Variants in MEGF9 observed in about 807,000 individuals in gnomAD.
MEGF9 encodes the protein multiple EGF like domains 9.
A neutral mutation model predicts 46.8 loss-of-function variants in MEGF9; 6 were observed. The ratio of observed to expected loss-of-function variants is 0.13; its 90% CI spans 0.07 to 0.25. MEGF9 has a LOEUF of 0.25. MEGF9 is among the 10% of genes least tolerant of loss of function. The pLI is 1.00. For synonymous variants in MEGF9, 302 were observed against 330.7 expected (o/e 0.91, Z 0.94); for missense variants, 683 against 792.4 (o/e 0.86, Z 1.66).
intron 1 of MEGF9, among the ~76,000 whole-genome samples, chr9:120,682,074 C>T (rs574549510): frequency 2.9e-4 from 44 of 152,288 alleles, no homozygotes; most frequent in Non-Finnish European, 5.1e-4. Context: ...ATGACAGTGG[C>T]CTTTCTCTAC....
chr9:120,675,155 T>C (rs1260370124), intron 1 of MEGF9, among the ~76,000 whole-genome samples: 1 of 152,246 alleles, frequency 6.6e-6, no homozygotes, highest in Non-Finnish European at 1.5e-5. Flanking sequence ...TGAATGTTTA[T>C]AGCAGCTTTA....
intron 1 of MEGF9, among the ~76,000 whole-genome samples, chr9:120,688,725 G>A (rs925900044): frequency 6.6e-6 from 1 of 152,104 alleles, no homozygotes; most frequent in Non-Finnish European, 1.5e-5. Context: ...AGATAGGATG[G>A]ACATAGGAAG....
At chr9:120,636,629 T>G (rs976108626) in intron 2 of MEGF9, among the ~76,000 whole-genome samples, 1 of 152,230 alleles carries the variant, frequency 6.6e-6, no homozygotes, top group Non-Finnish European at 1.5e-5. Context: ...TTAATTCAAC[T>G]AGGACAGTGA....
At chr9:120,659,821 A>G (rs951564096) in intron 1 of MEGF9, among the ~76,000 whole-genome samples, 3 of 134,054 alleles carry the variant, frequency 2.2e-5, no homozygotes, top group African/African-American at 5.9e-5. Context: ...GTGTGTGTGT[A>G]TTATTAGTTT....
chr9:120,624,354 A>T (rs1347908575), intron 2 of MEGF9, among the ~76,000 whole-genome samples: 1 of 151,966 alleles, frequency 6.6e-6, no homozygotes, highest in African/African-American at 2.4e-5. Flanking sequence ...CAGCCCCTCA[A>T]GTAGCTGGGA....
chr9:120,657,236 C>A (rs1174674657), intron 2 of MEGF9, among the ~76,000 whole-genome samples: 1 of 152,174 alleles, frequency 6.6e-6, no homozygotes, highest in Non-Finnish European at 1.5e-5. Context: ...CTCTGCAGAC[C>A]CCTGCCCTAG....
chr9:120,679,699 A>T, intron 1 of MEGF9, among the ~76,000 whole-genome samples: 1 of 152,088 alleles, frequency 6.6e-6, no homozygotes, highest in East Asian at 1.9e-4. Flanking sequence ...GCACTATGGG[A>T]GGCTGATGCA....
At chr9:120,626,295 G>A (rs2043525316) in intron 2 of MEGF9, among the ~76,000 whole-genome samples, 1 of 152,172 alleles carries the variant, frequency 6.6e-6, no homozygotes, top group Non-Finnish European at 1.5e-5. Flanking sequence ...AAGCATTGTG[G>A]AGCTACGCTG....
At chr9:120,702,071 T>TA (rs1174690444) in intron 1 of MEGF9, among the ~76,000 whole-genome samples, 1 of 151,780 alleles carries the variant, frequency 6.6e-6, no homozygotes, top group Non-Finnish European at 1.5e-5. Context: ...ATTAATTAAT[T>TA]AAAAAAATTA....
rs1158273579 is a variant in MEGF9 at position 120,634,446 on chromosome 9, C to CTTT, written c.804-11694_804-11692dup. On this transcript the variant is annotated intron_variant, in intron 2 of 5. Transcript: ENST00000373930. ...TTTGGTTTCCATATGTGTGGAATATCTTTTTTTTTTTTTTTTTTTTTTTTT... is the reference window on the plus strand; with the variant it reads ...TTTGGTTTCCATATGTGTGGAATATCTTTTTTTTTTTTTTTTTTTTTTTTTTTT... Among the ~76,000 whole-genome samples, 31 of 46,922 alleles carry CTTT rather than the reference C, an allele frequency of 6.6e-4. 5 individuals are homozygous for CTTT. The highest frequency in any genetic ancestry group is 4.6e-3 in the South Asian group (4 of 878). 30.8% of individuals were successfully genotyped at this position (46,922 alleles called of 152,430 possible).
intron 1 of MEGF9, among the ~76,000 whole-genome samples, chr9:120,711,836 T>C (rs1266907336): frequency 1.9e-4 from 11 of 56,418 alleles, no homozygotes; most frequent in Non-Finnish European, 1.8e-4. Context: ...TTTCTATACA[T>C]ACATACATAC....
At chr9:120,702,285 A>T (rs2043909067) in intron 1 of MEGF9, among the ~76,000 whole-genome samples, 1 of 152,204 alleles carries the variant, frequency 6.6e-6, no homozygotes, top group African/African-American at 2.4e-5. Flanking sequence ...TATAGATCAA[A>T]CTTGCTTAGT....
chr9:120,626,767 A>G (rs1172616428), intron 2 of MEGF9, among the ~76,000 whole-genome samples: 1 of 152,250 alleles, frequency 6.6e-6, no homozygotes. Flanking sequence ...ACTAGTGACT[A>G]GCTGGCACAA....
chr9:120,622,417 C>CTTTTTTTTTTTTTT (rs59380409), intron 3 of MEGF9, among the ~76,000 whole-genome samples, 199 bp downstream of exon 3: 10 of 101,168 alleles, frequency 9.9e-5, no homozygotes, highest in South Asian at 3.8e-4. Flanking sequence ...AGGTATATGA[C>CTTTTTTTTTTTTTT]TTTTTTTTTT....
chr9:120,614,436 A>C (rs1223829311), intron 3 of MEGF9, among the ~76,000 whole-genome samples: 1 of 152,172 alleles, frequency 6.6e-6, no homozygotes, highest in Non-Finnish European at 1.5e-5. Context: ...GTAATTGTAA[A>C]GGCCTGATAG....
chr9:120,677,849 GA>G (rs2043780318), intron 1 of MEGF9, among the ~76,000 whole-genome samples: 1 of 152,142 alleles, frequency 6.6e-6, no homozygotes, highest in Non-Finnish European at 1.5e-5. Context: ...CACTTAGTAA[GA>G]GTTAATTGTT....
intron 4 of MEGF9, 55 bp downstream of exon 4, chr9:120,612,341 A>T: frequency 6.4e-7 from 1 of 1,567,444 alleles, no homozygotes; most frequent in South Asian, 1.2e-5. Flanking sequence ...ACTTATACCT[A>T]TTGATAACTG....
At chr9:120,684,687 A>G (rs1587995008) in intron 1 of MEGF9, among the ~76,000 whole-genome samples, 2 of 152,274 alleles carry the variant, frequency 1.3e-5, no homozygotes, top group Admixed American at 6.5e-5. Context: ...TTCCAACACC[A>G]CTGATCATTC....
At chr9:120,695,588 T>C (rs1274149993) in intron 1 of MEGF9, among the ~76,000 whole-genome samples, 2 of 114,240 alleles carry the variant, frequency 1.8e-5, no homozygotes, top group Admixed American at 1.2e-4. Context: ...TGGGTGACAG[T>C]GTGAGACCCC....
Sources: gnomAD v4.1 joint callset for allele counts (sites outside exome capture counted in the v4.1 genomes callset) on GRCh38, gnomAD v4.1.1 for gene constraint, MANE v1.5 for transcripts, NCBI Gene and HGNC (gene_info 2026-07-23, HGNC 2026-07-21) for gene names.